The following PTPRK variants were observed in gnomAD, a reference collection of about 807,000 sequenced individuals.
The protein encoded by PTPRK is protein tyrosine phosphatase receptor type K.
A neutral mutation model predicts 178.0 loss-of-function variants in PTPRK; 75 were observed. The ratio of observed to expected loss-of-function variants is 0.42; its 90% CI spans 0.35 to 0.51. The LOEUF (loss-of-function observed/expected upper bound fraction) is 0.51. Ranked by LOEUF, PTPRK falls within the 20% of genes least tolerant of loss-of-function variation. PTPRK has a pLI of 0.02. For missense variants in PTPRK, 1,441 were observed against 1,797.8 expected (o/e 0.80, Z 3.59); for synonymous variants, 637 against 620.6 (o/e 1.03, Z -0.39).
intron 10 of PTPRK, 65 bp downstream of exon 10, chr6:128,082,372 C>T (rs1784977404): frequency 7.0e-7 from 1 of 1,427,100 alleles, no homozygotes. Context: ...ATGTGATTCT[C>T]CAGGATGTGC....
intron 11 of PTPRK, among the ~76,000 whole-genome samples, chr6:128,076,129 G>A (rs1055512132): frequency 6.6e-6 from 1 of 151,936 alleles, no homozygotes; most frequent in Non-Finnish European, 1.5e-5. Flanking sequence ...AAGTAAAATT[G>A]CTTCAAGTAC....
chr6:128,078,129 G>A (rs1240870632), intron 11 of PTPRK, among the ~76,000 whole-genome samples: 1 of 151,922 alleles, frequency 6.6e-6, no homozygotes, highest in Admixed American at 6.6e-5. Context: ...GATACCAAGA[G>A]AGGACGTGAA....
chr6:127,986,447 A>G (rs1364783086), intron 21 of PTPRK, among the ~76,000 whole-genome samples: 1 of 152,226 alleles, frequency 6.6e-6, no homozygotes, highest in African/African-American at 2.4e-5. Context: ...TCTGTGAAAT[A>G]ATTCAGCGCA....
chr6:128,206,724 T>C (rs950205616), intron 6 of PTPRK, among the ~76,000 whole-genome samples: 3 of 152,182 alleles, frequency 2.0e-5, no homozygotes, highest in African/African-American at 7.2e-5. Flanking sequence ...AACTCATTTT[T>C]ATGAGATAAA....
intron 2 of PTPRK, among the ~76,000 whole-genome samples, chr6:128,378,944 T>C (rs1361557234): frequency 1.3e-5 from 2 of 152,146 alleles, no homozygotes; most frequent in African/African-American, 2.4e-5. Flanking sequence ...ATTGTTAAAA[T>C]GACCTTAGAG....
At chr6:128,441,543 C>A (rs529551168) in intron 1 of PTPRK, among the ~76,000 whole-genome samples, 2 of 152,224 alleles carry the variant, frequency 1.3e-5, no homozygotes, top group Non-Finnish European at 2.9e-5. Context: ...GTCCCCTCTC[C>A]CCTAGGCCTT....
Position 127,983,308 on chromosome 6 carries a change from A to G in PTPRK, c.3321T>C (p.Gly1107=). ...TGACACAATTGTAAATATCAACAACACCCTCTCTTTCAGCCATGTCTAGCA... is the reference window on the plus strand; with the variant it reads ...TGACACAATTGTAAATATCAACAACGCCCTCTCTTTCAGCCATGTCTAGCA... ...DIMLDMAERE[G]VVDIYNCVKA... Residue 1107 remains glycine (G), a synonymous_variant, in exon 23 of 30, where the codon GGT becomes GGC. Coordinates refer to ENST00000368226, the MANE Select transcript of PTPRK (RefSeq NM_002844.4). The G allele has an allele frequency of 6.2e-7, 1 of 1,613,500 alleles. No individual in the cohort carries two copies. Among genetic ancestry groups the G allele is most frequent in the Non-Finnish European group, 8.5e-7 (1 of 1,179,604 alleles).
intron 1 of PTPRK, among the ~76,000 whole-genome samples, chr6:128,497,238 G>T (rs1854810096): frequency 6.6e-6 from 1 of 152,090 alleles, no homozygotes; most frequent in Non-Finnish European, 1.5e-5. Context: ...ATCCCAGGAA[G>T]AGGAGGAAAA....
chr6:128,051,728 T>C (rs1053414444), intron 13 of PTPRK, among the ~76,000 whole-genome samples: 5 of 152,200 alleles, frequency 3.3e-5, no homozygotes, highest in Admixed American at 1.3e-4. Flanking sequence ...TATTATCTTG[T>C]TCATATGTTT....
At chr6:128,042,279 G>A (rs1312707229) in intron 13 of PTPRK, among the ~76,000 whole-genome samples, 21 of 151,946 alleles carry the variant, frequency 1.4e-4, no homozygotes, top group Non-Finnish European at 7.4e-5. Context: ...TATTCATTAG[G>A]TATAAGTGCT....
chr6:128,341,819 T>C (rs1272244615), intron 2 of PTPRK, among the ~76,000 whole-genome samples: 2 of 152,248 alleles, frequency 1.3e-5, no homozygotes, highest in Non-Finnish European at 2.9e-5. Flanking sequence ...TACAGGTTTA[T>C]TTGTCATGGA....
intron 3 of PTPRK, among the ~76,000 whole-genome samples, chr6:128,278,053 G>A (rs900066060): frequency 4.6e-5 from 7 of 151,862 alleles, no homozygotes; most frequent in Non-Finnish European, 8.8e-5. Flanking sequence ...ATACTTTCTG[G>A]CTCTTTTCCC....
chr6:128,218,882 AGCCAT>A, intron 6 of PTPRK, 35 bp downstream of exon 6: 3 of 1,543,200 alleles, frequency 1.9e-6, no homozygotes, highest in Non-Finnish European at 2.7e-6. Context: ...GTTCTAATAA[AGCCAT>A]GCAATTTCGT....
At chr6:128,246,068 T>A (rs925112485) in intron 3 of PTPRK, among the ~76,000 whole-genome samples, 1 of 152,186 alleles carries the variant, frequency 6.6e-6, no homozygotes, top group African/African-American at 2.4e-5. Context: ...TTGTCAACAG[T>A]GTAATACCTG....
chr6:128,077,460 T>C (rs144840276), intron 11 of PTPRK, among the ~76,000 whole-genome samples: 125 of 152,188 alleles, frequency 8.2e-4, no homozygotes, highest in African/African-American at 2.8e-3. Flanking sequence ...TTGTATTCTT[T>C]TGTCAATACA....
At chr6:128,427,991 G>A (rs1470856556) in intron 1 of PTPRK, among the ~76,000 whole-genome samples, 1 of 152,148 alleles carries the variant, frequency 6.6e-6, no homozygotes, top group Non-Finnish European at 1.5e-5. Flanking sequence ...TACTTGGGAG[G>A]CTGAGGCAGG....
intron 28 of PTPRK, among the ~76,000 whole-genome samples, chr6:127,973,454 G>C (rs536999329): frequency 6.6e-6 from 1 of 152,192 alleles, no homozygotes; most frequent in African/African-American, 2.4e-5. Context: ...GTTCCAAAGA[G>C]TTTAAATAAT....
chr6:128,008,078 A>G, intron 14 of PTPRK: 1 of 1,348,188 alleles, frequency 7.4e-7, no homozygotes, highest in Non-Finnish European at 9.9e-7. Context: ...GTCTTCTCCA[A>G]CATATATATC....
intron 2 of PTPRK, among the ~76,000 whole-genome samples, chr6:128,343,498 C>A: frequency 7.4e-6 from 1 of 134,264 alleles, no homozygotes. Context: ...GAAACTCCAT[C>A]TCAAAAAAAA....
Sources: gnomAD v4.1 joint callset for allele counts (sites outside exome capture counted in the v4.1 genomes callset) on GRCh38, gnomAD v4.1.1 for gene constraint, MANE v1.5 for transcripts, NCBI Gene and HGNC (gene_info 2026-07-23, HGNC 2026-07-21) for gene names.